ADAM32: variants seen among roughly 807,000 people sequenced by gnomAD.
ADAM32 encodes disintegrin and metalloproteinase domain-containing protein 32.
Under a neutral mutation model 114.9 loss-of-function variants are expected in ADAM32, and 89 were observed. The observed-to-expected ratio is 0.77, with a 90% CI of 0.65 to 0.92. ADAM32 has a LOEUF of 0.92. Among genes scored for constraint, ADAM32 ranks in the 40% least tolerant of loss-of-function variants. ADAM32 has a pLI of 0.00. For missense variants in ADAM32, 870 were observed against 932.8 expected, an observed-to-expected ratio of 0.93 and a Z score of 0.88; for synonymous variants, 285 against 307.5, an observed-to-expected ratio of 0.93 and a Z score of 0.77.
chr8:39,230,099 A>G (rs895310915), intron 14 of ADAM32, among the ~76,000 whole-genome samples: 1 of 152,196 alleles, frequency 6.6e-6, no homozygotes, highest in African/African-American at 2.4e-5. Flanking sequence ...ACGTCAAAGC[A>G]TTTGATAATA....
intron 24 of ADAM32, 148 bp downstream of exon 24, chr8:39,283,772 T>C (rs1813595619): frequency 1.4e-5 from 1 of 71,826 alleles, no homozygotes; most frequent in East Asian, 3.8e-4. Context: ...TCTTTTATTC[T>C]TTTTTTTTTT....
At chr8:39,180,471 C>T (rs544950515) in intron 10 of ADAM32, among the ~76,000 whole-genome samples, 12 of 152,356 alleles carry the variant, frequency 7.9e-5, no homozygotes, top group South Asian at 4.1e-4. Context: ...CCCTGCTCCA[C>T]GGCGCCCAGT....
At chr8:39,155,435 G>C (rs1804085674) in intron 6 of ADAM32, among the ~76,000 whole-genome samples, 1 of 152,214 alleles carries the variant, frequency 6.6e-6, no homozygotes, top group South Asian at 2.1e-4. Context: ...TGTGACAATA[G>C]CATGACATTG....
At chr8:39,142,861 T>A (rs1326906256) in intron 3 of ADAM32, among the ~76,000 whole-genome samples, 1 of 152,230 alleles carries the variant, frequency 6.6e-6, no homozygotes, top group East Asian at 1.9e-4. Context: ...ATATTTGGTA[T>A]TTTCACATAG....
Position 39,147,784 on chromosome 8 carries a change from A to G in ADAM32, c.276+579A>G, listed in dbSNP as rs554088253. 3.3e-5 allele frequency among the ~76,000 whole-genome samples: 5 copies of G among 151,464 alleles called. No homozygotes were observed. The South Asian group carries it at 1.0e-3, about 32-fold the overall frequency. ...ATTTATTTATCCCTTTATTTTATTC[A>G]TTTATTTTTGTTTTTATTTATTTAT... On this transcript the variant is annotated intron_variant, in intron 4 of 24. Transcript: ENST00000379907.
intron 9 of ADAM32, 149 bp downstream of exon 9, chr8:39,165,345 G>C: frequency 1.7e-6 from 1 of 587,946 alleles, no homozygotes; most frequent in Non-Finnish European, 2.7e-6. Context: ...TCAATTTCTA[G>C]TTGTCAGGCA....
intron 11 of ADAM32, among the ~76,000 whole-genome samples, chr8:39,205,113 C>T (rs976301564): frequency 4.6e-5 from 7 of 152,216 alleles, no homozygotes; most frequent in African/African-American, 1.7e-4. Context: ...GTTCTCCGAT[C>T]TCAAACTCCA....
At chr8:39,113,516 T>C (rs1402906945) in intron 1 of ADAM32, among the ~76,000 whole-genome samples, 1 of 152,216 alleles carries the variant, frequency 6.6e-6, no homozygotes, top group Non-Finnish European at 1.5e-5. Flanking sequence ...CCACTCGTTG[T>C]GACTCTTTTT....
intron 2 of ADAM32, among the ~76,000 whole-genome samples, chr8:39,122,495 A>G (rs1329086448): frequency 6.6e-6 from 1 of 152,234 alleles, no homozygotes; most frequent in Non-Finnish European, 1.5e-5. Context: ...CACGCCGTAA[A>G]GAGAGGCCTC....
chr8:39,155,798 G>A (rs1012487158), intron 6 of ADAM32, among the ~76,000 whole-genome samples: 1 of 151,628 alleles, frequency 6.6e-6, no homozygotes, highest in Non-Finnish European at 1.5e-5. Context: ...TTTTTTTCTA[G>A]TATGTCATTT....
At chr8:39,125,633 A>G (rs1802067484) in intron 2 of ADAM32, among the ~76,000 whole-genome samples, 1 of 151,962 alleles carries the variant, frequency 6.6e-6, no homozygotes, top group South Asian at 2.1e-4. Flanking sequence ...TTGTCTGTTC[A>G]CTCTGATCAT....
chr8:39,202,128 G>A (rs1033865873), intron 11 of ADAM32, among the ~76,000 whole-genome samples: 1 of 152,172 alleles, frequency 6.6e-6, no homozygotes, highest in Non-Finnish European at 1.5e-5. Flanking sequence ...GTATCAGGAC[G>A]ATGCTGGCCT....
Position 39,118,150 on chromosome 8 carries a change from T to C in ADAM32, c.123T>C (p.Ser41=). The C allele has an allele frequency of 1.4e-6, 2 of 1,470,364 alleles. No homozygotes were observed. The highest frequency in any genetic ancestry group is 2.8e-5 in the South Asian group (2 of 72,110). 91.1% of individuals were successfully genotyped at this position (1,470,364 alleles called of 1,614,324 possible). A position where few individuals can be genotyped will look rare whatever the true frequency, so the allele number is the denominator to read the frequency against. Residue 41 remains serine (S), a synonymous_variant, in exon 2 of 25, where the codon AGT becomes AGC. Coordinates refer to ENST00000379907, the MANE Select transcript of ADAM32 (RefSeq NM_145004.7). ...AAATCCAAACAAATACAAATGACAG[T>C]TCAGAAATAGAATATGTAAGAGATA... ...PEKIQTNTND[S]SEIEYEQISY... is the part of the protein sequence containing the mutation.
At chr8:39,220,832 A>G (rs962822284) in intron 12 of ADAM32, 1 of 152,066 alleles carries the variant, frequency 6.6e-6, no homozygotes, top group East Asian at 1.9e-4. Context: ...TTAGCTTAGC[A>G]TATGGTCTAT....
At chr8:39,206,735 C>T (rs909823456) in intron 11 of ADAM32, among the ~76,000 whole-genome samples, 3 of 152,144 alleles carry the variant, frequency 2.0e-5, no homozygotes, top group Non-Finnish European at 4.4e-5. Context: ...ATTCCTGGGT[C>T]AATCCTGTTT....
chr8:39,232,882 T>A (rs1463016252), intron 15 of ADAM32, among the ~76,000 whole-genome samples: 2 of 152,170 alleles, frequency 1.3e-5, no homozygotes, highest in Non-Finnish European at 2.9e-5. Context: ...ACATTTTTAA[T>A]GGAATTTGAA....
intron 1 of ADAM32, 53 bp downstream of exon 1, chr8:39,107,886 C>G (rs1469203618): frequency 6.8e-7 from 1 of 1,476,448 alleles, no homozygotes; most frequent in South Asian, 1.4e-5. Context: ...CACTGCGGCC[C>G]GACTCCCTGC....
At chr8:39,237,036 A>T (rs75462227) in intron 16 of ADAM32, among the ~76,000 whole-genome samples, 8,194 of 152,264 alleles carry the variant, frequency 0.054, 758 homozygotes, top group African/African-American at 0.19. Flanking sequence ...GTAAATGCCC[A>T]ATATGTGAGT....
chr8:39,269,850 T>C (rs1237898361), intron 19 of ADAM32, among the ~76,000 whole-genome samples: 3 of 152,184 alleles, frequency 2.0e-5, no homozygotes, highest in African/African-American at 7.2e-5. Context: ...CTGGGTAATT[T>C]ATAAAGGAAA....
Sources: gnomAD v4.1 joint callset for allele counts (sites outside exome capture counted in the v4.1 genomes callset) on GRCh38, gnomAD v4.1.1 for gene constraint, MANE v1.5 for transcripts, NCBI Gene and HGNC (gene_info 2026-07-23, HGNC 2026-07-21) for gene names.